Variants in NCKAP5 observed in about 807,000 individuals in gnomAD.
The protein encoded by NCKAP5 is NCK associated protein 5, also known as nck-associated protein 5.
A neutral mutation model predicts 167.0 loss-of-function variants in NCKAP5; 92 were observed. The ratio of observed to expected loss-of-function variants is 0.55; its 90% CI spans 0.47 to 0.66. NCKAP5 has a LOEUF of 0.66. NCKAP5 is among the 30% of genes least tolerant of loss of function. The pLI is 0.00. For missense variants in NCKAP5, 2,378 were observed against 2,315.0 expected (o/e 1.03, Z -0.56); for synonymous variants, 891 against 877.4 (o/e 1.02, Z -0.27).
At chr2:133,189,505 C>A (rs1461530720) in intron 5 of NCKAP5, among the ~76,000 whole-genome samples, 1 of 152,152 alleles carries the variant, frequency 6.6e-6, no homozygotes, top group African/African-American at 2.4e-5. Flanking sequence ...AGACCAATAT[C>A]CCTGATGAAC....
At position 132,682,292 on chromosome 2, in the gene NCKAP5, C is replaced by T. The variant is rs527312767; in HGVS notation, c.5714-8987G>A. On this transcript the variant is annotated intron_variant, in intron 19 of 19. Coordinates refer to ENST00000409261, the MANE Select transcript of NCKAP5 (RefSeq NM_207363.3). Reference sequence around the variant, plus strand: ...GAGGTTGCCGATGGGAATCTGCTTCCGTTCCAGATTCCATCCCTTGCTCTA... The same window carrying T: ...GAGGTTGCCGATGGGAATCTGCTTCTGTTCCAGATTCCATCCCTTGCTCTA... Among the ~76,000 whole-genome samples the T allele has an allele frequency of 1.5e-4, 23 of 152,200 alleles. No individual in the cohort carries two copies. In the East Asian group the frequency reaches 3.3e-3, roughly 22 times the overall value.
chr2:133,562,619 G>A (rs1688242466), intron 1 of NCKAP5, among the ~76,000 whole-genome samples: 1 of 152,178 alleles, frequency 6.6e-6, no homozygotes, highest in East Asian at 1.9e-4. Flanking sequence ...TATTCCCAGT[G>A]TATGCTCCAA....
chr2:133,097,396 C>T (rs1251437934), intron 6 of NCKAP5, among the ~76,000 whole-genome samples: 1 of 152,178 alleles, frequency 6.6e-6, no homozygotes, highest in Non-Finnish European at 1.5e-5. Context: ...CACAACCAAC[C>T]AGCATCATCT....
intron 3 of NCKAP5, among the ~76,000 whole-genome samples, chr2:133,487,913 A>G (rs565283987): frequency 1.3e-5 from 2 of 152,310 alleles, no homozygotes; most frequent in African/African-American, 2.4e-5. Context: ...GGCAGAGTGC[A>G]TGGGCTCCAA....
chr2:133,157,965 C>G (rs1383472789), intron 5 of NCKAP5, among the ~76,000 whole-genome samples: 1 of 152,116 alleles, frequency 6.6e-6, no homozygotes, highest in Non-Finnish European at 1.5e-5. Context: ...TCATGAAACA[C>G]TGAGAGTAGT....
chr2:133,465,195 T>A (rs1692482334), intron 3 of NCKAP5, among the ~76,000 whole-genome samples: 1 of 124,776 alleles, frequency 8.0e-6, no homozygotes, highest in Admixed American at 9.8e-5. Flanking sequence ...AGTGTGATAT[T>A]CCCCTTCCTG....
chr2:133,016,092 TAAAG>T (rs145282159), intron 6 of NCKAP5, among the ~76,000 whole-genome samples: 31,683 of 151,106 alleles, frequency 0.21, 4,181 homozygotes, highest in South Asian at 0.34. Context: ...GAAGGAGAAA[TAAAG>T]AAAGAAGGAA....
chr2:133,194,392 A>G (rs1389021907), intron 5 of NCKAP5, among the ~76,000 whole-genome samples: 1 of 152,060 alleles, frequency 6.6e-6, no homozygotes, highest in Non-Finnish European at 1.5e-5. Flanking sequence ...TTCCACACAT[A>G]CGGTAGGAAC....
At chr2:132,702,634 A>G (rs978420437) in intron 19 of NCKAP5, among the ~76,000 whole-genome samples, 4 of 152,192 alleles carry the variant, frequency 2.6e-5, no homozygotes, top group Non-Finnish European at 5.9e-5. Context: ...CACCATTCAC[A>G]GAATAATTAC....
At chr2:132,983,063 A>G (rs2077187982) in intron 7 of NCKAP5, among the ~76,000 whole-genome samples, 1 of 152,060 alleles carries the variant, frequency 6.6e-6, no homozygotes, top group Admixed American at 6.6e-5. Context: ...TAGGTATTTT[A>G]TGGCCATTGT....
At chr2:132,922,904 C>T (rs1220509138) in intron 8 of NCKAP5, among the ~76,000 whole-genome samples, 1 of 152,150 alleles carries the variant, frequency 6.6e-6, no homozygotes, top group Non-Finnish European at 1.5e-5. Context: ...TTAATGGAAT[C>T]AATAAAATTT....
chr2:133,488,107 A>T (rs1681073296), intron 3 of NCKAP5, among the ~76,000 whole-genome samples: 1 of 152,252 alleles, frequency 6.6e-6, no homozygotes, highest in African/African-American at 2.4e-5. Flanking sequence ...AAATGCAGTT[A>T]TGAATTTTAA....
chr2:133,569,013 T>C (rs1688748444), upstream of NCKAP5, among the ~76,000 whole-genome samples: 1 of 152,142 alleles, frequency 6.6e-6, no homozygotes, highest in Non-Finnish European at 1.5e-5. Flanking sequence ...CATTTGCAAA[T>C]ATGCAATTTT....
At chr2:133,183,963 A>T (rs917843524) in intron 5 of NCKAP5, among the ~76,000 whole-genome samples, 15 of 151,770 alleles carry the variant, frequency 9.9e-5, no homozygotes, top group African/African-American at 2.7e-4. Flanking sequence ...TTTTATTTTT[A>T]TTTTTTTTCT....
intron 10 of NCKAP5, among the ~76,000 whole-genome samples, chr2:132,867,517 A>G (rs1282715413): frequency 1.3e-5 from 2 of 152,164 alleles, no homozygotes; most frequent in Non-Finnish European, 2.9e-5. Flanking sequence ...ACAGAGATGT[A>G]TGTAGTAATG....
rs202015907 is a variant in NCKAP5 at position 132,782,542 on chromosome 2, T to G, written c.4269A>C (p.Glu1423Asp). The change falls in exon 14 of 20, where the codon GAA (glutamate) becomes GAC (aspartate). Residue 1423 changes from glutamate (E) to aspartate (D), a missense_variant. Coordinates refer to ENST00000409261, the MANE Select transcript of NCKAP5 (RefSeq NM_207363.3). ...GAGTCCTCCCTGGGCTCTGCAGGGC[T>G]TCAGGGCAGTCTGTTGGGGTGGGTG... ...SCPPTPTDCP[E>D]ALQSPGRTQH... The G allele has an allele frequency of 1.9e-5, 30 of 1,592,030 alleles. No homozygotes were observed. Among genetic ancestry groups the G allele is most frequent in the Admixed American group, 3.4e-5 (2 of 58,088 alleles).
At chr2:132,690,245 G>A (rs1328338113) in intron 19 of NCKAP5, among the ~76,000 whole-genome samples, 1 of 152,164 alleles carries the variant, frequency 6.6e-6, no homozygotes, top group African/African-American at 2.4e-5. Context: ...AGATAAATTG[G>A]TGTGTCTACA....
intron 2 of NCKAP5, among the ~76,000 whole-genome samples, chr2:133,541,993 T>C (rs1231744287): frequency 6.6e-6 from 1 of 152,148 alleles, no homozygotes; most frequent in Non-Finnish European, 1.5e-5. Flanking sequence ...ACGGGATTGT[T>C]TGCACACTTG....
At chr2:132,819,313 A>C (rs1380034393) in intron 11 of NCKAP5, among the ~76,000 whole-genome samples, 1 of 152,184 alleles carries the variant, frequency 6.6e-6, no homozygotes, top group Non-Finnish European at 1.5e-5. Context: ...CGTTAATTCA[A>C]ATCTCCACTA....
Sources: gnomAD v4.1 joint callset for allele counts (sites outside exome capture counted in the v4.1 genomes callset) on GRCh38, gnomAD v4.1.1 for gene constraint, MANE v1.5 for transcripts, NCBI Gene and HGNC (gene_info 2026-07-23, HGNC 2026-07-21) for gene names.